Variants in ZDHHC11B observed in about 807,000 individuals in gnomAD.
The protein encoded by ZDHHC11B is zDHHC palmitoyltransferase 11B (putative).
In ZDHHC11B, 17 loss-of-function variants were observed where a neutral mutation model predicts 42.3. The ratio of observed to expected loss-of-function variants is 0.40; its 90% CI spans 0.27 to 0.60. The LOEUF (loss-of-function observed/expected upper bound fraction) is 0.60, where lower values mean the gene tolerates loss of function less well. Ranked by LOEUF, ZDHHC11B falls within the 20% of genes least tolerant of loss-of-function variation. The probability of loss-of-function intolerance (pLI) is 0.41; values close to 1 mark genes in which losing one functional copy is unlikely to be tolerated. For synonymous variants in ZDHHC11B, 123 were observed against 193.5 expected (o/e 0.64, Z 3.02); for missense variants, 262 against 463.2 (o/e 0.57, Z 3.99).
intron 1 of ZDHHC11B, among the ~76,000 whole-genome samples, chr5:771,185 CAG>C (rs1253419925): frequency 6.6e-6 from 1 of 151,872 alleles, no homozygotes; most frequent in Non-Finnish European, 1.5e-5. Flanking sequence ...GAAGCCCTCT[CAG>C]ATCTGGAGTT....
At chr5:742,565 G>A (rs1423040552) in intron 9 of ZDHHC11B, among the ~76,000 whole-genome samples, 1 of 147,316 alleles carries the variant, frequency 6.8e-6, no homozygotes, top group Non-Finnish European at 1.5e-5. Context: ...CCCGCAGTGT[G>A]TGCTCACTTC....
intron 12 of ZDHHC11B, among the ~76,000 whole-genome samples, chr5:722,120 T>A (rs1289764587): frequency 4.0e-5 from 6 of 151,786 alleles, no homozygotes; most frequent in African/African-American, 1.5e-4. Context: ...TTAGTAGAAA[T>A]AATAGATGGC....
chr5:744,597 A>G (rs917638714), intron 9 of ZDHHC11B, among the ~76,000 whole-genome samples: 2 of 149,518 alleles, frequency 1.3e-5, no homozygotes, highest in Non-Finnish European at 3.0e-5. Context: ...GTTTCAGGCC[A>G]GGTACGGTGG....
intron 1 of ZDHHC11B, among the ~76,000 whole-genome samples, chr5:783,983 G>C (rs139177921): frequency 0.11 from 16,205 of 149,050 alleles, 1,094 homozygotes; most frequent in African/African-American, 0.25. Flanking sequence ...GCAGAATAAA[G>C]GGCTCCTCAG....
At chr5:748,600 G>C in intron 7 of ZDHHC11B, 41 bp from the exon 8 acceptor site, 1 of 1,338,912 alleles carries the variant, frequency 7.5e-7, no homozygotes, top group Non-Finnish European at 9.9e-7. Context: ...AGCACCTGCT[G>C]ACGGGTGCCA....
chr5:711,205 C>T lies in ZDHHC11B; in HGVS notation c.*1085G>A, dbSNP rs62332064. 0.51 allele frequency: 75,103 copies of T among 146,888 alleles called. 16,506 individuals are homozygous for T. Among genetic ancestry groups the T allele is most frequent in the Middle Eastern group, 0.62 (1,166 of 1,892 alleles). The allele number at this position is 146,888 out of a possible 1,614,324, so 9.1% of individuals were successfully genotyped here. On this transcript the variant is annotated 3_prime_UTR_variant, in exon 14 of 14. Coordinates refer to ENST00000508859, the MANE Select transcript of ZDHHC11B (RefSeq NM_001351303.2). ...TGCTCCCATTTCCCAGTGCTGTGCC[C>T]TCCCCTTTCCCAGTACTGTGCTCCC...
chr5:739,484 T>C (rs1172876897), intron 10 of ZDHHC11B, among the ~76,000 whole-genome samples: 6 of 150,814 alleles, frequency 4.0e-5, no homozygotes. Flanking sequence ...CAACAGAAGA[T>C]ATACAAATGG....
chr5:736,795 C>T (rs1743573590), intron 10 of ZDHHC11B, among the ~76,000 whole-genome samples: 2 of 126,876 alleles, frequency 1.6e-5, no homozygotes, highest in African/African-American at 5.8e-5. Flanking sequence ...CTTATCAAAA[C>T]CTCAAGGACA....
chr5:770,855 G>C (rs1735969267), intron 1 of ZDHHC11B, among the ~76,000 whole-genome samples: 1 of 151,934 alleles, frequency 6.6e-6, no homozygotes, highest in Non-Finnish European at 1.5e-5. Context: ...CCCCAGAGCA[G>C]GTGGCTGGGC....
intron 1 of ZDHHC11B, among the ~76,000 whole-genome samples, chr5:780,827 C>T (rs62332157): frequency 0.18 from 23,231 of 126,564 alleles, 73 homozygotes; most frequent in African/African-American, 0.3. Flanking sequence ...GAGGTGCCAC[C>T]CCGCCGAGGG....
chr5:777,128 A>C (rs1376608587), intron 1 of ZDHHC11B, among the ~76,000 whole-genome samples: 2 of 151,830 alleles, frequency 1.3e-5, no homozygotes, highest in African/African-American at 2.4e-5. Flanking sequence ...GCGACCCTGG[A>C]GTTTCTTCCT....
chr5:778,419 A>G (rs572552662), intron 1 of ZDHHC11B, among the ~76,000 whole-genome samples: 128 of 150,474 alleles, frequency 8.5e-4, no homozygotes, highest in African/African-American at 3.0e-3. Flanking sequence ...GGGAGGCACA[A>G]TGGGTTACAG....
At chr5:745,714 C>T (rs1295687689) in intron 8 of ZDHHC11B, among the ~76,000 whole-genome samples, 1 of 150,146 alleles carries the variant, frequency 6.7e-6, no homozygotes, top group Non-Finnish European at 1.5e-5. Context: ...GCCGCTCTGT[C>T]TGAGGGTCCA....
At chr5:717,149 A>G (rs7719251) in intron 12 of ZDHHC11B, among the ~76,000 whole-genome samples, 72,007 of 145,924 alleles carry the variant, frequency 0.49, 14,281 homozygotes, top group African/African-American at 0.55. Context: ...TAGCCAAGGA[A>G]GCTTGTTTGG....
intron 1 of ZDHHC11B, among the ~76,000 whole-genome samples, chr5:783,411 G>A (rs1239340571): frequency 3.1e-4 from 47 of 152,314 alleles, no homozygotes; most frequent in African/African-American, 1.1e-3. Context: ...GCCACAGGGA[G>A]CTGGGTCACC....
intron 8 of ZDHHC11B, chr5:748,150 A>C: frequency 1.8e-6 from 1 of 567,864 alleles, no homozygotes; most frequent in Non-Finnish European, 3.0e-6. Flanking sequence ...TGCAGGTCTC[A>C]GCGTTGAGTT....
At chr5:770,068 G>A (rs572433895) in intron 1 of ZDHHC11B, among the ~76,000 whole-genome samples, 1 of 151,758 alleles carries the variant, frequency 6.6e-6, no homozygotes, top group Non-Finnish European at 1.5e-5. Flanking sequence ...GGGGACTTGG[G>A]GGGCGTCCTG....
chr5:744,315 G>A (rs1247553885), intron 9 of ZDHHC11B, among the ~76,000 whole-genome samples: 1 of 149,578 alleles, frequency 6.7e-6, no homozygotes, highest in East Asian at 2.1e-4. Flanking sequence ...TAGTGGCATT[G>A]CTGAATGAGT....
At chr5:764,221 G>A (rs1285763108) in intron 4 of ZDHHC11B, among the ~76,000 whole-genome samples, 3 of 152,094 alleles carry the variant, frequency 2.0e-5, no homozygotes, top group Non-Finnish European at 2.9e-5. Flanking sequence ...GTGACAGCAC[G>A]CTGGCAGCCC....
Sources: allele counts gnomAD v4.1 joint callset (sites outside exome capture counted in the v4.1 genomes callset), GRCh38; gene constraint gnomAD v4.1.1; transcripts MANE v1.5; gene names NCBI Gene and HGNC (gene_info 2026-07-23, HGNC 2026-07-21).